Variants in KMT2E observed in about 807,000 individuals in gnomAD.
The protein encoded by KMT2E is histone reader KMT2E.
A neutral mutation model predicts 184.6 loss-of-function variants in KMT2E; 30 were observed. That is an observed-to-expected ratio of 0.16 (90% CI 0.12 to 0.22). The LOEUF is 0.22. Among genes scored for constraint, KMT2E ranks in the 10% least tolerant of loss-of-function variants. KMT2E has a pLI of 1.00. For synonymous variants in KMT2E, 815 were observed against 776.5 expected, an observed-to-expected ratio of 1.05 and a Z score of -0.82; for missense variants, 2,023 against 2,237.4, an observed-to-expected ratio of 0.90 and a Z score of 1.93.
Position 105,107,389 on chromosome 7 carries a change from A to G in KMT2E, c.2932A>G (p.Thr978Ala). 6.3e-7 allele frequency: 1 copy of G among 1,598,228 alleles called. No individual in the cohort carries two copies. The highest frequency in any genetic ancestry group is 8.5e-7 in the Non-Finnish European group (1 of 1,174,008). The change falls in exon 22 of 27, where the codon ACA becomes GCA. Residue 978 changes from threonine (T) to alanine (A), a missense_variant. Thr to Ala is a moderately conservative substitution (Grantham distance 58). Around this residue, in one of 8 missense-constraint regions of KMT2E, gnomAD observed 514 missense variants for 621.8 expected, o/e 0.83. Transcript: ENST00000311117. Reference sequence around the variant, plus strand: ...ATATGACAGATCTTCAACCATGTTAACATTGGGGCCTTTTAGAAATTCTAA... The same window carrying G: ...ATATGACAGATCTTCAACCATGTTAGCATTGGGGCCTTTTAGAAATTCTAA... The part of the protein sequence containing the change: ...EGYDRSSTML[T>A]LGPFRNSNLT...
Position 105,112,612 on chromosome 7 carries a change from A to G in KMT2E, c.4856A>G (p.His1619Arg), listed in dbSNP as rs756330594. ...FLPSQNPTIHHQTAAAVVPPP... is the reference protein window; with the variant it reads ...FLPSQNPTIHRQTAAAVVPPP... ...CCCTCTCAGAACCCTACCATTCACC[A>G]TCAAACTGCTGCTGCCGTAGTCCCC... Residue 1619 changes from histidine to arginine, a missense_variant, in exon 27 of 27, where the codon CAT (histidine) becomes CGT (arginine). Physicochemically the swap from His to Arg is conservative, Grantham distance 29. This residue lies in a region of KMT2E where 1,108 missense variants were observed against 1,050.9 expected (regional missense o/e 1.05). Coordinates refer to ENST00000311117, the MANE Select transcript of KMT2E (RefSeq NM_182931.3). The G allele has an allele frequency of 3.7e-6, 6 of 1,613,672 alleles. No individual in the cohort carries two copies. Among genetic ancestry groups the G allele is most frequent in the Non-Finnish European group, 3.4e-6 (4 of 1,179,926 alleles).
At chr7:105,078,477 TA>T (rs532369619) in intron 11 of KMT2E, among the ~76,000 whole-genome samples, 2 of 152,082 alleles carry the variant, frequency 1.3e-5, no homozygotes, top group East Asian at 3.9e-4. Context: ...CTCTGAAGAG[TA>T]ACAGATTATT....
At chr7:105,096,489 G>A (rs1322650921) in intron 15 of KMT2E, among the ~76,000 whole-genome samples, 2 of 152,122 alleles carry the variant, frequency 1.3e-5, no homozygotes, top group African/African-American at 2.4e-5. Flanking sequence ...GAGAAACGGT[G>A]AAAGGGTATG....
intron 13 of KMT2E, among the ~76,000 whole-genome samples, chr7:105,086,192 A>T (rs1421707330): frequency 6.6e-6 from 1 of 151,980 alleles, no homozygotes; most frequent in Non-Finnish European, 1.5e-5. Flanking sequence ...TGACCTTTAT[A>T]TTGACAAAAG....
intron 1 of KMT2E, among the ~76,000 whole-genome samples, chr7:105,032,422 T>A (rs1313945832): frequency 6.6e-6 from 1 of 152,200 alleles, no homozygotes; most frequent in Non-Finnish European, 1.5e-5. Context: ...CCAGCCTGGA[T>A]GACAGAGCGA....
At chr7:105,108,906 T>C in intron 22 of KMT2E, 36 bp from the exon 23 acceptor site, 4 of 1,538,050 alleles carry the variant, frequency 2.6e-6, no homozygotes, top group Non-Finnish European at 3.5e-6. Context: ...AAAACAAGAA[T>C]AAAAGATTTG....
At chr7:105,068,261 T>C (rs1160278862) in intron 6 of KMT2E, among the ~76,000 whole-genome samples, 1 of 145,540 alleles carries the variant, frequency 6.9e-6, no homozygotes, top group Non-Finnish European at 1.5e-5. Context: ...GTTCAATTTC[T>C]TTTTTTTTTT....
At position 105,046,586 on chromosome 7, in the gene KMT2E, A is replaced by G. The variant is rs145347837; in HGVS notation, c.71+5563A>G. Among the ~76,000 whole-genome samples, 40 of 152,348 alleles carry G rather than the reference A, an allele frequency of 2.6e-4. No homozygotes were observed. In the East Asian group the frequency reaches 6.8e-3, roughly 26 times the overall value. On this transcript the variant is annotated intron_variant, in intron 3 of 26. Transcript: ENST00000311117. ...AATGTGATCTAGAATTACTAGGTCAAATGGAATGCAAGATCTTTTTAAAGG... is the reference window on the plus strand; with the variant it reads ...AATGTGATCTAGAATTACTAGGTCAGATGGAATGCAAGATCTTTTTAAAGG...
chr7:105,087,845 A>G (rs1019910914), intron 13 of KMT2E, among the ~76,000 whole-genome samples: 7 of 128,676 alleles, frequency 5.4e-5, no homozygotes, highest in African/African-American at 1.8e-4. Flanking sequence ...TTTTTTTCCC[A>G]GAAGTTCTTT....
intron 6 of KMT2E, among the ~76,000 whole-genome samples, chr7:105,068,903 A>G (rs779010572): frequency 2.4e-4 from 36 of 152,070 alleles, no homozygotes; most frequent in Non-Finnish European, 4.3e-4. Flanking sequence ...TATCATTGTG[A>G]CCTCATGGAT....
intron 3 of KMT2E, among the ~76,000 whole-genome samples, chr7:105,050,341 A>AT (rs1232260225): frequency 6.6e-6 from 1 of 152,104 alleles, no homozygotes; most frequent in East Asian, 1.9e-4. Flanking sequence ...ACTATTGGTC[A>AT]TTTTTTCCTG....
intron 26 of KMT2E, 146 bp from the exon 27 acceptor site, chr7:105,111,679 C>T (rs896205231): frequency 1.0e-6 from 1 of 965,286 alleles, no homozygotes; most frequent in Non-Finnish European, 1.5e-6. Context: ...TTTAACATCC[C>T]AAGCCTCCAT....
intron 19 of KMT2E, 113 bp downstream of exon 19, chr7:105,106,116 GGT>G: frequency 9.3e-7 from 1 of 1,078,626 alleles, no homozygotes; most frequent in South Asian, 1.6e-5. Context: ...GAAGCACATT[GGT>G]GTATAGATTT....
At chr7:105,105,105 C>CT (rs1469471597) in intron 17 of KMT2E, 1 of 177,688 alleles carries the variant, frequency 5.6e-6, no homozygotes, top group African/African-American at 2.4e-5. Context: ...GGGGCGGAGG[C>CT]TTCAGTAAGC....
rs561523404 is a variant in KMT2E at position 105,029,530 on chromosome 7, T to C, written c.-188-8596T>C. Among the ~76,000 whole-genome samples the C allele has an allele frequency of 4.1e-4, 63 of 152,312 alleles. 2 individuals carry two copies. Among genetic ancestry groups the C allele is most frequent in the Middle Eastern group, 3.4e-3 (1 of 294 alleles). Reference sequence around the variant, plus strand: ...TGATAGTGACATATTGAAAGGGTTGTTGATTGTTGGATTATTCAGGTGATG... The same window carrying C: ...TGATAGTGACATATTGAAAGGGTTGCTGATTGTTGGATTATTCAGGTGATG... On this transcript the variant is annotated intron_variant, in intron 1 of 26. Coordinates refer to ENST00000311117, the MANE Select transcript of KMT2E (RefSeq NM_182931.3).
intron 12 of KMT2E, among the ~76,000 whole-genome samples, chr7:105,081,241 G>A (rs917462414): frequency 4.6e-5 from 7 of 151,654 alleles, no homozygotes; most frequent in African/African-American, 1.2e-4. Flanking sequence ...AAAATAAGCC[G>A]GGCATGGTGG....
intron 16 of KMT2E, 52 bp downstream of exon 16, chr7:105,101,641 T>C (rs753554366): frequency 8.0e-6 from 11 of 1,372,056 alleles, no homozygotes; most frequent in Non-Finnish European, 8.7e-6. Flanking sequence ...AAATAAAATG[T>C]CTATACTTGC....
At chr7:105,107,332 G>A (rs754055988) in intron 21 of KMT2E, 30 bp from the exon 22 acceptor site, 3 of 1,517,574 alleles carry the variant, frequency 2.0e-6, no homozygotes, top group African/African-American at 2.8e-5. Context: ...GTGATTATTT[G>A]TGTAATTTTT....
chr7:105,081,891 T>TAGA, intron 13 of KMT2E, 94 bp downstream of exon 13: 7 of 590,176 alleles, frequency 1.2e-5, no homozygotes, highest in Non-Finnish European at 1.8e-5. Flanking sequence ...TTTATAGCTT[T>TAGA]TTATTTTTAT....
Sources: gnomAD v4.1 joint callset for allele counts (sites outside exome capture counted in the v4.1 genomes callset) on GRCh38, gnomAD v4.1.1 for gene constraint, gnomAD v4.1.1 regional missense constraint, MANE v1.5 for transcripts, NCBI Gene and HGNC (gene_info 2026-07-23, HGNC 2026-07-21) for gene names.